The following RRP12 variants were observed in gnomAD, a reference collection of about 807,000 sequenced individuals.
The protein encoded by RRP12 is RRP12-like protein.
Under a neutral mutation model 157.3 loss-of-function variants are expected in RRP12, and 78 were observed. The observed-to-expected ratio is 0.50, with a 90% CI of 0.41 to 0.60. The LOEUF (loss-of-function observed/expected upper bound fraction) is 0.60, where lower values mean the gene tolerates loss of function less well. RRP12 is among the 20% of genes least tolerant of loss of function. The pLI is 0.00. For synonymous variants in RRP12, 726 were observed against 670.9 expected (o/e 1.08, Z -1.27); for missense variants, 1,521 against 1,679.9 (o/e 0.91, Z 1.65).
chr10:97,398,014 T>TATATATATAC (rs1564772450), intron 2 of RRP12, among the ~76,000 whole-genome samples: 2 of 71,766 alleles, frequency 2.8e-5, no homozygotes, highest in Non-Finnish European at 6.0e-5. Context: ...TACATATATA[T>TATATATATAC]ATATATATGT....
chr10:97,397,639 A>G (rs916547802), intron 2 of RRP12, among the ~76,000 whole-genome samples: 7 of 151,898 alleles, frequency 4.6e-5, no homozygotes, highest in Non-Finnish European at 7.4e-5. Flanking sequence ...TTCAGTAGGG[A>G]AAAAGTTGCA....
Position 97,366,626 on chromosome 10 carries a change from G to A in RRP12, c.3216-5C>T. 6.2e-7 allele frequency: 1 copy of A among 1,608,496 alleles called. No homozygotes were observed. The highest frequency in any genetic ancestry group is 1.3e-5 in the African/African-American group (1 of 74,880). On this transcript the variant is annotated splice_region_variant and splice_polypyrimidine_tract_variant and intron_variant, in intron 27 of 33. Transcript: ENST00000370992. Reference sequence around the variant, plus strand: ...TCAGCTAAAATCTCCTCAATGCTAAGGACAAAAAGCCCCCAGTCAGAGTGC... The same window carrying A: ...TCAGCTAAAATCTCCTCAATGCTAAAGACAAAAAGCCCCCAGTCAGAGTGC...
intron 30 of RRP12, among the ~76,000 whole-genome samples, 171 bp from the exon 31 acceptor site, chr10:97,360,789 G>C (rs1276050439): frequency 6.6e-6 from 1 of 152,144 alleles, no homozygotes; most frequent in Non-Finnish European, 1.5e-5. Flanking sequence ...GCAAGGAACT[G>C]TCCAAGATCA....
chr10:97,381,943 G>A (rs376863575), intron 10 of RRP12, 117 bp from the exon 11 acceptor site: 10 of 655,216 alleles, frequency 1.5e-5, no homozygotes, highest in African/African-American at 1.3e-4. Flanking sequence ...GTGATCTGCA[G>A]GGCTCCGTAG....
Position 97,388,535 on chromosome 10 carries a change from G to A in RRP12, c.843C>T (p.Ala281=). The A allele has an allele frequency of 1.2e-6, 2 of 1,614,192 alleles. No homozygotes were observed. Among genetic ancestry groups the A allele is most frequent in the Non-Finnish European group, 1.7e-6 (2 of 1,180,036 alleles). The change falls in exon 7 of 34, where the codon GCC becomes GCT. Residue 281 remains alanine (A), a synonymous_variant. Transcript: ENST00000370992. ...GGATGCAGAACTTGGCAGTGGAAAT[G>A]GCAGCAGGATGATGGGCAGGGGCCT... The part of the protein sequence containing the change: ...FEKAPAHHPA[A]ISTAKFCIQE...
intron 10 of RRP12, among the ~76,000 whole-genome samples, chr10:97,384,506 C>G (rs1844561984): frequency 6.7e-6 from 1 of 149,910 alleles, no homozygotes; most frequent in South Asian, 2.1e-4. Flanking sequence ...TGGACAGAGG[C>G]CCTGAGAACT....
intron 10 of RRP12, among the ~76,000 whole-genome samples, 162 bp from the exon 11 acceptor site, chr10:97,381,988 A>C (rs570155011): frequency 1.6e-3 from 238 of 152,308 alleles, no homozygotes; most frequent in African/African-American, 5.5e-3. Flanking sequence ...AAAAGGCACT[A>C]TCGTTCAAGT....
At chr10:97,399,045 G>A (rs902692616) in intron 2 of RRP12, among the ~76,000 whole-genome samples, 4 of 152,104 alleles carry the variant, frequency 2.6e-5, no homozygotes, top group Non-Finnish European at 5.9e-5. Context: ...AGGCCGAGGC[G>A]GGTGGATCAC....
At chr10:97,372,209 G>T in intron 19 of RRP12, 43 bp from the exon 20 acceptor site, 1 of 1,499,106 alleles carries the variant, frequency 6.7e-7, no homozygotes, top group African/African-American at 1.4e-5. Context: ...GGGAGCTGGA[G>T]AAGGGCGCAG....
At chr10:97,381,887 G>C (rs1844478530) in intron 10 of RRP12, 61 bp from the exon 11 acceptor site, 1 of 1,242,912 alleles carries the variant, frequency 8.0e-7, no homozygotes, top group African/African-American at 1.5e-5. Context: ...GGGCAACCAG[G>C]GCTCAGGGCT....
rs200477882 is a variant in RRP12 at position 97,373,667 on chromosome 10, C to G, written c.1934G>C (p.Arg645Pro). 2.5e-6 allele frequency: 4 copies of G among 1,613,916 alleles called. No individual in the cohort carries two copies. The highest frequency in any genetic ancestry group is 1.7e-4 in the Middle Eastern group (1 of 6,052). ...CTCGCTGATGGCCATGCCCAGCGTC[C>G]GTGCCAGCCCTTTGAAGGAGATGGC... is the stretch of plus-strand genomic sequence containing the variant. ...DVAISFKGLA[R>P]TLGMAISERP... The change falls in exon 17 of 34, where the codon CGG (arginine) becomes CCG (proline). Residue 645 changes from arginine (R) to proline (P), a missense_variant. Arg to Pro is a moderately radical substitution (Grantham distance 103). Transcript: ENST00000370992.
Position 97,370,176 on chromosome 10 carries a change from C to T in RRP12, c.2788G>A (p.Glu930Lys), listed in dbSNP as rs980363255. 7.5e-6 allele frequency: 12 copies of T among 1,599,132 alleles called. No individual in the cohort carries two copies. The highest frequency in any genetic ancestry group is 2.3e-5 in the East Asian group (1 of 44,434). ...GGAAATAAGCATTTACCTTTAAACT[C>T]GAAAAGGAGGTGGGTCAGGGCCAGG... is the stretch of plus-strand genomic sequence containing the variant. The part of the protein sequence containing the change: ...SILALTHLLF[E>K]FKGLMGTSTV... Residue 930 changes from glutamate to lysine, a missense_variant, in exon 24 of 34, where the codon GAG (glutamate) becomes AAG (lysine). By Grantham distance (56) the Glu-to-Lys change is moderately conservative. Transcript: ENST00000370992.
rs912762541 is a variant in RRP12 at position 97,370,439 on chromosome 10, G to A, written c.2689+16C>T. The A allele has an allele frequency of 6.4e-7, 1 of 1,565,918 alleles. No individual in the cohort carries two copies. The highest frequency in any genetic ancestry group is 1.4e-5 in the African/African-American group (1 of 73,164). On this transcript the variant is annotated intron_variant, in intron 23 of 33. Transcript: ENST00000370992. ...TCTATGAGCAGAGTGTCCACCCCCA[G>A]CCCCCTGGGCCTCACCTTCCTGGTT...
intron 3 of RRP12, 28 bp from the exon 4 acceptor site, chr10:97,393,788 T>C (rs757881381): frequency 6.3e-7 from 1 of 1,593,604 alleles, no homozygotes; most frequent in Non-Finnish European, 8.6e-7. Flanking sequence ...GGGGTTTGAA[T>C]GGATAAAAAC....
chr10:97,393,639 C>T (rs1233431196), intron 4 of RRP12, 45 bp downstream of exon 4: 3 of 1,411,656 alleles, frequency 2.1e-6, no homozygotes, highest in Admixed American at 1.7e-5. Flanking sequence ...TTCCCTTCTC[C>T]CCTCCACAAA....
At chr10:97,390,134 G>A (rs1844760087) in intron 6 of RRP12, among the ~76,000 whole-genome samples, 1 of 152,150 alleles carries the variant, frequency 6.6e-6, no homozygotes, top group African/African-American at 2.4e-5. Context: ...CCCCAACTAT[G>A]CCACCCTCCC....
intron 29 of RRP12, among the ~76,000 whole-genome samples, chr10:97,364,590 G>A (rs1189414547): frequency 2.0e-5 from 3 of 152,346 alleles, no homozygotes; most frequent in African/African-American, 4.8e-5. Context: ...GGTGGCGCAC[G>A]CCTGTAGTCC....
chr10:97,360,199 C>T (rs1203218072), intron 31 of RRP12, among the ~76,000 whole-genome samples: 6 of 152,216 alleles, frequency 3.9e-5, no homozygotes, highest in Admixed American at 1.3e-4. Flanking sequence ...CAGCCTGACT[C>T]GGTTGGTGCT....
chr10:97,358,972 C>G lies in RRP12; in HGVS notation c.3679G>C (p.Ala1227Pro). Reference sequence around the variant, plus strand: ...GCCTTGTATTCAGCCCCAGGCATAGCCTTCTTGGCCACAGGGCGATGAATG... The same window carrying G: ...GCCTTGTATTCAGCCCCAGGCATAGGCTTCTTGGCCACAGGGCGATGAATG... ...SGIHRPVAKK[A>P]MPGAEYKAKK... The change falls in exon 32 of 34, where the codon GCT (alanine) becomes CCT (proline). Residue 1227 changes from alanine to proline, a missense_variant. Transcript: ENST00000370992. 4 of 1,613,958 alleles carry G rather than the reference C, an allele frequency of 2.5e-6. No homozygotes were observed. The Middle Eastern group carries it at 4.9e-4, about 200-fold the overall frequency.
Sources: gnomAD v4.1 joint callset for allele counts (sites outside exome capture counted in the v4.1 genomes callset) on GRCh38, gnomAD v4.1.1 for gene constraint, MANE v1.5 for transcripts, NCBI Gene and HGNC (gene_info 2026-07-23, HGNC 2026-07-21) for gene names.